TCF3: variants seen among roughly 807,000 people sequenced by gnomAD.
TCF3 encodes transcription factor E2-alpha.
In TCF3, 54 loss-of-function variants were observed where a neutral mutation model predicts 72.3. The observed-to-expected ratio is 0.75, with a 90% CI of 0.60 to 0.94. TCF3 has a LOEUF of 0.94. Ranked by LOEUF, TCF3 falls within the 40% of genes least tolerant of loss-of-function variation. The pLI, the probability that TCF3 is intolerant of heterozygous loss-of-function variation, is 0.00. For missense variants in TCF3, 1,078 were observed against 934.4 expected (o/e 1.15, Z -2.00); for synonymous variants, 525 against 412.6 (o/e 1.27, Z -3.30).
intron 1 of TCF3, chr19:1,651,423 C>T (rs2067027586): frequency 1.3e-5 from 3 of 225,192 alleles, no homozygotes; most frequent in Admixed American, 5.7e-5. Flanking sequence ...CAGTTTTTTT[C>T]TTTTTTGGAG....
intron 3 of TCF3, among the ~76,000 whole-genome samples, chr19:1,638,654 T>A (rs1160303279): frequency 1.3e-5 from 2 of 152,064 alleles, no homozygotes; most frequent in Non-Finnish European, 2.9e-5. Flanking sequence ...ACTTCGGACG[T>A]TGAGAGCGCG....
intron 13 of TCF3, 139 bp downstream of exon 13, chr19:1,620,829 C>T (rs766930856): frequency 6.7e-5 from 60 of 893,052 alleles, no homozygotes; most frequent in Non-Finnish European, 8.6e-5. Flanking sequence ...GCTCCCTCCC[C>T]GCTGCCTGCC....
Position 1,652,370 on chromosome 19 carries a change from G to A in TCF3, c.-110C>T, listed in dbSNP as rs2067268490. ...CATGAAGCGGGGGGGCCCCCCCCCGGACAAAGGTGCGTCGCGGCCGGGCCC... is the reference window on the plus strand; with the variant it reads ...CATGAAGCGGGGGGGCCCCCCCCCGAACAAAGGTGCGTCGCGGCCGGGCCC... On this transcript the variant is annotated 5_prime_UTR_variant, in exon 1 of 19. Transcript: ENST00000262965. The A allele has an allele frequency of 7.1e-6, 1 of 141,822 alleles. No individual in the cohort carries two copies. The highest frequency in any genetic ancestry group is 2.1e-4 in the South Asian group (1 of 4,658). The allele number at this position is 141,822 out of a possible 1,614,324, so 8.8% of individuals were successfully genotyped here.
At chr19:1,645,062 G>A (rs1274381593) in intron 3 of TCF3, among the ~76,000 whole-genome samples, 1 of 152,082 alleles carries the variant, frequency 6.6e-6, no homozygotes, top group East Asian at 1.9e-4. Flanking sequence ...AGAGGGGAAG[G>A]CCAGTGTGAG....
At chr19:1,638,117 T>C (rs2064712078) in intron 3 of TCF3, among the ~76,000 whole-genome samples, 1 of 152,096 alleles carries the variant, frequency 6.6e-6, no homozygotes, top group African/African-American at 2.4e-5. Flanking sequence ...AATCAAGAGA[T>C]TCCTAGAAGC....
At chr19:1,641,285 T>C (rs1378999029) in intron 3 of TCF3, among the ~76,000 whole-genome samples, 8 of 151,834 alleles carry the variant, frequency 5.3e-5, no homozygotes, top group Non-Finnish European at 1.2e-4. Context: ...TCTCAGAAGG[T>C]TGCAAACTAT....
chr19:1,643,467 C>A (rs996065010), intron 3 of TCF3, among the ~76,000 whole-genome samples: 2 of 152,174 alleles, frequency 1.3e-5, no homozygotes, highest in Non-Finnish European at 2.9e-5. Context: ...GCGATCCTTC[C>A]GCCTTGGTCC....
Position 1,615,497 on chromosome 19 carries a change from A to T in TCF3, c.1610T>A (p.Leu537His), listed in dbSNP as rs768947864. The T allele has an allele frequency of 6.2e-7, 1 of 1,609,974 alleles. No homozygotes were observed. Among genetic ancestry groups the T allele is most frequent in the South Asian group, 1.1e-5 (1 of 91,070 alleles). The stretch of plus-strand genomic sequence containing the variant: ...CTCGGCCTTCTGCTCTGGGGGGAGA[A>T]GGTCGTCCTCGTCCTCGTCTGGGCT... Reference protein sequence around the residue: ...RTSPDEDEDDLLPPEQKAERE... With the variant: ...RTSPDEDEDDHLPPEQKAERE... Residue 537 changes from leucine (L) to histidine (H), a missense_variant, in exon 18 of 19, where the codon CTT (leucine) becomes CAT (histidine). Coordinates refer to ENST00000262965, the MANE Select transcript of TCF3 (RefSeq NM_003200.5). The surrounding 1 kb of genome is among the most constrained non-coding windows in gnomAD (Gnocchi z 7.3).
At chr19:1,625,842 C>CA in intron 6 of TCF3, 134 bp from the exon 7 acceptor site, 1 of 1,161,792 alleles carries the variant, frequency 8.6e-7, no homozygotes, top group Non-Finnish European at 1.1e-6. Flanking sequence ...CTGCCTGTCA[C>CA]GGTGTTTCTC....
chr19:1,617,365 C>A (rs992723257), intron 16 of TCF3, among the ~76,000 whole-genome samples: 4 of 152,246 alleles, frequency 2.6e-5, no homozygotes, highest in African/African-American at 7.2e-5. Context: ...CATAAGCCAG[C>A]AAACCAGCGT....
chr19:1,646,217 GC>G, intron 3 of TCF3, 137 bp downstream of exon 3: 3 of 939,604 alleles, frequency 3.2e-6, no homozygotes, highest in Non-Finnish European at 4.7e-6. Flanking sequence ...CAGGCTCGCT[GC>G]CCCCGACCCG....
chr19:1,632,219 G>A, intron 4 of TCF3, 103 bp from the exon 5 acceptor site: 2 of 1,549,050 alleles, frequency 1.3e-6, no homozygotes, highest in Non-Finnish European at 1.7e-6. Flanking sequence ...ATGTCCCCCA[G>A]TCCAAACCCC....
intron 1 of TCF3, chr19:1,650,717 C>G (rs1042794075): frequency 4.3e-6 from 1 of 233,858 alleles, no homozygotes; most frequent in African/African-American, 2.2e-5. Context: ...CGATCCTACC[C>G]CGCCCCGAGG....
At chr19:1,631,881 C>T in intron 5 of TCF3, 157 bp downstream of exon 5, 1 of 1,520,772 alleles carries the variant, frequency 6.6e-7, no homozygotes, top group Non-Finnish European at 8.8e-7. Context: ...CTGCACCTCC[C>T]CGCAGCTGCT....
chr19:1,639,605 C>T (rs1225026647), intron 3 of TCF3, among the ~76,000 whole-genome samples: 1 of 152,096 alleles, frequency 6.6e-6, no homozygotes, highest in Non-Finnish European at 1.5e-5. Flanking sequence ...GTTTCAGCCT[C>T]GGCAGAGGAG....
intron 7 of TCF3, 22 bp downstream of exon 7, chr19:1,625,554 G>A: frequency 6.4e-7 from 1 of 1,554,790 alleles, no homozygotes. Flanking sequence ...AGCCCCCGAT[G>A]CCCCGGCCAG....
At position 1,615,366 on chromosome 19, in the gene TCF3, T is replaced by C; in HGVS notation, c.1741A>G (p.Asn581Asp). 6.2e-7 allele frequency: 1 copy of C among 1,613,968 alleles called. No homozygotes were observed. The highest frequency in any genetic ancestry group is 1.1e-5 in the South Asian group (1 of 91,078). Residue 581 changes from asparagine to aspartate, a missense_variant, in exon 18 of 19, where the codon AAC becomes GAC. Transcript: ENST00000262965. This position sits in a 1 kb window ranked among gnomAD's most constrained non-coding sequence, Gnocchi z 7.3. Reference protein sequence around the residue: ...ELGRMCQLHLNSEKPQTKLLI... With the variant: ...ELGRMCQLHLDSEKPQTKLLI... ...AGTTTGGTCTGGGGCTTCTCGCTGT[T>C]GAGGTGCAGTTGGCACATGCGCCCC...
intron 3 of TCF3, among the ~76,000 whole-genome samples, chr19:1,634,988 G>A (rs1038148577): frequency 6.6e-6 from 1 of 152,162 alleles, no homozygotes; most frequent in Non-Finnish European, 1.5e-5. Context: ...GAAAAAGACT[G>A]TCCAAGTGCC....
At chr19:1,626,532 C>T (rs573267593) in intron 6 of TCF3, among the ~76,000 whole-genome samples, 4 of 152,272 alleles carry the variant, frequency 2.6e-5, no homozygotes, top group Admixed American at 6.5e-5. Context: ...GGCCTTCTCC[C>T]GAGGCCCGGC....
Sources: gnomAD v4.1 joint callset for allele counts (sites outside exome capture counted in the v4.1 genomes callset) on GRCh38, gnomAD v4.1.1 for gene constraint, Gnocchi (gnomAD v3.1) non-coding constraint, MANE v1.5 for transcripts, NCBI Gene and HGNC (gene_info 2026-07-23, HGNC 2026-07-21) for gene names.